CENPM: variants seen among roughly 807,000 people sequenced by gnomAD.
CENPM encodes centromere protein M.
Under a neutral mutation model 19.6 loss-of-function variants are expected in CENPM, and 14 were observed. The ratio of observed to expected loss-of-function variants is 0.71; its 90% CI spans 0.47 to 1.11. The LOEUF (loss-of-function observed/expected upper bound fraction) is 1.11. Among genes scored for constraint, CENPM ranks in the 50% most tolerant of loss-of-function variants. CENPM has a pLI of 0.00. For missense variants in CENPM, 239 were observed against 228.4 expected (o/e 1.05, Z -0.30); for synonymous variants, 114 against 101.5 (o/e 1.12, Z -0.74).
downstream of CENPM, among the ~76,000 whole-genome samples, chr22:41,935,559 C>T (rs2077680177): frequency 6.6e-6 from 1 of 152,188 alleles, no homozygotes; most frequent in Admixed American, 6.5e-5. Context: ...GAAGGTTCAC[C>T]TCCAGCCTCT....
chr22:41,945,974 T>C lies in CENPM; in HGVS notation c.169A>G (p.Ser57Gly). 2.5e-6 allele frequency: 4 copies of C among 1,614,036 alleles called. No homozygotes were observed. The highest frequency in any genetic ancestry group is 3.4e-6 in the Non-Finnish European group (4 of 1,179,976). Residue 57 changes from serine (S) to glycine (G), a missense_variant, in exon 3 of 6, where the codon AGT becomes GGT. Physicochemically the swap from Ser to Gly is moderately conservative, Grantham distance 56. Coordinates refer to ENST00000215980, the MANE Select transcript of CENPM (RefSeq NM_024053.5). ...HLAKSLPLPS[S>G]VNRPRIDLIV... ...AGGTCAATTCGGGGCCGATTCACAC[T>C]GGAGGGCAAAGGGAGGGACTTTGCC... is the stretch of plus-strand genomic sequence containing the variant.
chr22:41,940,054 T>TGATCCAGCCCCACC lies in CENPM; in HGVS notation c.403-872_403-859dup, dbSNP rs1449856505. On this transcript the variant is annotated intron_variant, in intron 5 of 5. Coordinates refer to ENST00000215980, the MANE Select transcript of CENPM (RefSeq NM_024053.5). ...CCAGCAGCTCCCCACCAGGCTCCAC[T>TGATCCAGCCCCACC]GATCCAGCCCCACCATTCCTGATTT... 4.3e-6 allele frequency: 3 copies of TGATCCAGCCCCACC among 695,386 alleles called. No homozygotes were observed. The African/African-American group carries it at 5.3e-5, about 12-fold the overall frequency. The allele number at this position is 695,386 out of a possible 1,614,324, so 43.1% of individuals were successfully genotyped here.
the CENPM span, among the ~76,000 whole-genome samples, chr22:41,928,708 G>A: frequency 3.2e-4 from 49 of 152,284 alleles, no homozygotes; most frequent in Non-Finnish European, 5.3e-4. This position sits in a 1 kb window ranked among gnomAD's most constrained non-coding sequence, Gnocchi z 4.0. Context: ...CTGGGAGGGA[G>A]GAGGGAGCAT....
intron 4 of CENPM, chr22:41,944,991 C>T: frequency 7.3e-7 from 1 of 1,362,628 alleles, no homozygotes. Context: ...GTAGTTAAAA[C>T]TTGTGTCATG....
chr22:41,929,222 G>A, the CENPM span, among the ~76,000 whole-genome samples: 1 of 152,068 alleles, frequency 6.6e-6, no homozygotes, highest in Admixed American at 6.5e-5. Flanking sequence ...CAGAGAGGTG[G>A]GGACAAAGCC....
At chr22:41,946,148 C>G in intron 2 of CENPM, 143 bp from the exon 3 acceptor site, 1 of 748,020 alleles carries the variant, frequency 1.3e-6, no homozygotes, top group Non-Finnish European at 2.3e-6. Context: ...GCCACGACTC[C>G]TTGGGCCAGC....
downstream of CENPM, among the ~76,000 whole-genome samples, chr22:41,937,947 C>T (rs957857693): frequency 6.7e-5 from 10 of 149,434 alleles, no homozygotes; most frequent in Non-Finnish European, 7.4e-5. Context: ...AGGTTCATGC[C>T]GGTCTTCTGC....
At chr22:41,934,292 G>A (rs534455383), downstream of CENPM, among the ~76,000 whole-genome samples, 26 of 152,198 alleles carry the variant, frequency 1.7e-4, no homozygotes, top group Non-Finnish European at 3.4e-4. Flanking sequence ...CATGGAGAAC[G>A]TGAACTCCCT....
rs2077784980 is a variant in CENPM at position 41,945,230 on chromosome 22, G to A, written c.305C>T (p.Thr102Ile). Residue 102 changes from threonine (T) to isoleucine (I), a missense_variant, in exon 4 of 6, where the codon ACA (threonine) becomes ATA (isoleucine). Physicochemically the swap from Thr to Ile is moderately conservative, Grantham distance 89. Transcript: ENST00000215980. ...CAGGCGAGGAACGTACTTACCACCT[G>A]TGGCGAGGAAACACACCTTCCCCAA... is the stretch of plus-strand genomic sequence containing the variant. ...FFLGKVCFLA[T>I]GAGRESHCSI... 1 of 1,613,824 alleles carries A rather than the reference G, an allele frequency of 6.2e-7. No individual in the cohort carries two copies.
chr22:41,943,643 G>A lies in CENPM; in HGVS notation c.369C>T (p.Thr123=), dbSNP rs766988554. Residue 123 remains threonine, a synonymous_variant, in exon 5 of 6, where the codon ACC becomes ACT. Coordinates refer to ENST00000215980, the MANE Select transcript of CENPM (RefSeq NM_024053.5). ...HRHTVVKLAH[T]YQSPLLYCDL... ...CACAGTAGAGCAGGGGGCTTTGATA[G>A]GTGTGGGCCAGCTTCACCACGGTGT... The A allele has an allele frequency of 2.5e-6, 4 of 1,613,896 alleles. No individual in the cohort carries two copies. The highest frequency in any genetic ancestry group is 1.3e-5 in the African/African-American group (1 of 75,046).
At chr22:41,935,956 T>G (rs180892684), downstream of CENPM, among the ~76,000 whole-genome samples, 503 of 151,834 alleles carry the variant, frequency 3.3e-3, 4 homozygotes, top group Middle Eastern at 0.024. Context: ...CTGCAACCTC[T>G]GCCTCCTGGT....
chr22:41,944,083 T>C (rs757527223), intron 4 of CENPM: 11 of 984,846 alleles, frequency 1.1e-5, no homozygotes, highest in Non-Finnish European at 1.3e-5. Flanking sequence ...GGGCTGAGTT[T>C]TGAGGTATTT....
downstream of CENPM, among the ~76,000 whole-genome samples, chr22:41,937,091 G>C (rs1372528480): frequency 6.6e-6 from 1 of 152,154 alleles, no homozygotes; most frequent in Non-Finnish European, 1.5e-5. Flanking sequence ...AAGGGAGTCA[G>C]GACCTGGCTC....
intron 1 of CENPM, 82 bp from the exon 2 acceptor site, chr22:41,946,578 G>A: frequency 8.6e-7 from 1 of 1,158,326 alleles, no homozygotes; most frequent in Non-Finnish European, 1.3e-6. Flanking sequence ...CCCACTCCCG[G>A]GGGGATCGGG....
downstream of CENPM, among the ~76,000 whole-genome samples, chr22:41,935,364 C>A (rs1342117090): frequency 6.6e-6 from 1 of 152,176 alleles, no homozygotes; most frequent in Admixed American, 6.5e-5. Flanking sequence ...TGCATCCACA[C>A]CGCCTTCCTC....
chr22:41,943,845 T>C (rs2077767000), intron 4 of CENPM, 144 bp from the exon 5 acceptor site: 2 of 687,648 alleles, frequency 2.9e-6, no homozygotes, highest in South Asian at 4.4e-5. Flanking sequence ...TTCTACTTTC[T>C]TTTCTAGGTA....
At position 41,943,594 on chromosome 22, in the gene CENPM, T is replaced by G. The variant is rs373835517; in HGVS notation, c.402+16A>C. On this transcript the variant is annotated intron_variant, in intron 5 of 5. Transcript: ENST00000215980. Reference sequence around the variant, plus strand: ...CACCCGAGTATAGTGTTGGTCTCTGTGATCAGCATGCTCACCTCCAGGTCA... The same window carrying G: ...CACCCGAGTATAGTGTTGGTCTCTGGGATCAGCATGCTCACCTCCAGGTCA... 5.6e-6 allele frequency: 9 copies of G among 1,610,332 alleles called. No individual in the cohort carries two copies. The highest frequency in any genetic ancestry group is 1.3e-5 in the African/African-American group (1 of 74,898).
the CENPM span, among the ~76,000 whole-genome samples, chr22:41,933,469 G>A: frequency 9.0e-4 from 137 of 152,188 alleles, 1 homozygote; most frequent in African/African-American, 3.2e-3. Flanking sequence ...GCTCGCAGGG[G>A]CCCCAAGTTC....
In CENPM at chr22:41,944,435, CAAAAAAAA is replaced by C. The variant is rs139232803; in HGVS notation, c.311-742_311-735del. 7.1e-5 allele frequency among the ~76,000 whole-genome samples: 5 copies of C among 70,262 alleles called. No homozygotes were observed. The South Asian group carries it at 2.0e-3, about 28-fold the overall frequency. The allele number at this position is 70,262 out of a possible 152,430, so 46.1% of individuals were successfully genotyped here. On this transcript the variant is annotated intron_variant, in intron 4 of 5. Coordinates refer to ENST00000215980, the MANE Select transcript of CENPM (RefSeq NM_024053.5). ...TGGGCGGCTGAGCGAGACTCCGTCT[CAAAAAAAA>C]AAAAAAAAAAAAGGGACGGGCCCTG...
Sources: allele counts gnomAD v4.1 joint callset (sites outside exome capture counted in the v4.1 genomes callset), GRCh38; gene constraint gnomAD v4.1.1; non-coding constraint Gnocchi (gnomAD v3.1); transcripts MANE v1.5; gene names NCBI Gene and HGNC (gene_info 2026-07-23, HGNC 2026-07-21).